Variants in KCNIP4 observed in about 807,000 individuals in gnomAD.
KCNIP4 encodes potassium voltage-gated channel interacting protein 4.
Under a neutral mutation model 34.0 loss-of-function variants are expected in KCNIP4, and 12 were observed. That is an observed-to-expected ratio of 0.35 (90% CI 0.23 to 0.57). KCNIP4 has a LOEUF of 0.57. Ranked by LOEUF, KCNIP4 falls within the 20% of genes least tolerant of loss-of-function variation. KCNIP4 has a pLI of 0.83. For missense variants in KCNIP4, 238 were observed against 311.7 expected (o/e 0.76, Z 1.78); for synonymous variants, 124 against 102.2 (o/e 1.21, Z -1.29).
In KCNIP4 at chr4:20,850,918, C is replaced by T. The variant is rs1720954097; in HGVS notation, c.164-251G>A. On this transcript the variant is annotated intron_variant, in intron 2 of 8. Transcript: ENST00000382152. ...TTACAACCCTAGCATTGTTTTAAGA[C>T]AACAAAAAAGAGCACAGGAATTTAT... is the stretch of plus-strand genomic sequence containing the variant. 14 of 328,046 alleles carry T rather than the reference C, an allele frequency of 4.3e-5. No homozygotes were observed. In the South Asian group the frequency reaches 1.5e-3, roughly 35 times the overall value. The allele number at this position is 328,046 out of a possible 1,614,324, so 20.3% of individuals were successfully genotyped here.
At chr4:20,760,651 A>G (rs1043881565) in intron 3 of KCNIP4, among the ~76,000 whole-genome samples, 1 of 152,162 alleles carries the variant, frequency 6.6e-6, no homozygotes, top group African/African-American at 2.4e-5. Flanking sequence ...AGCTGCATTC[A>G]CAGAGGCAGA....
intron 1 of KCNIP4, among the ~76,000 whole-genome samples, chr4:21,333,873 C>T (rs1715898490): frequency 6.6e-6 from 1 of 152,134 alleles, no homozygotes; most frequent in Non-Finnish European, 1.5e-5. Flanking sequence ...CAATCTTCTG[C>T]TGTTCTTTAA....
intron 1 of KCNIP4, among the ~76,000 whole-genome samples, chr4:21,544,089 G>A (rs1737934988): frequency 6.6e-6 from 1 of 151,992 alleles, no homozygotes; most frequent in African/African-American, 2.4e-5. Context: ...CCATTTCTCT[G>A]GAGTTCATAT....
At chr4:21,912,753 T>C (rs1005445381) in intron 1 of KCNIP4, among the ~76,000 whole-genome samples, 10 of 151,694 alleles carry the variant, frequency 6.6e-5, no homozygotes, top group African/African-American at 2.4e-4. Context: ...CAAAGAGTGG[T>C]GCAAGATGAA....
intron 1 of KCNIP4, among the ~76,000 whole-genome samples, chr4:21,103,322 T>C (rs886234922): frequency 6.8e-6 from 1 of 146,588 alleles, no homozygotes; most frequent in Non-Finnish European, 1.5e-5. Context: ...ATATATAATA[T>C]AAAATATATA....
intron 1 of KCNIP4, among the ~76,000 whole-genome samples, chr4:21,310,633 CT>C (rs147936589): frequency 0.087 from 13,096 of 150,812 alleles, 660 homozygotes; most frequent in African/African-American, 0.13. Flanking sequence ...CTTTCTTCTT[CT>C]TTTTTTTCTT....
At chr4:20,988,775 T>G (rs1736819905) in intron 1 of KCNIP4, among the ~76,000 whole-genome samples, 1 of 152,188 alleles carries the variant, frequency 6.6e-6, no homozygotes, top group South Asian at 2.1e-4. Flanking sequence ...TGAAGGCAAC[T>G]GAAATAGGAG....
At chr4:21,326,547 T>A (rs986000082) in intron 1 of KCNIP4, among the ~76,000 whole-genome samples, 4 of 151,612 alleles carry the variant, frequency 2.6e-5, no homozygotes, top group Non-Finnish European at 5.9e-5. Flanking sequence ...AGACAACAGA[T>A]CATTGGGTCT....
chr4:21,310,112 T>C (rs1184846523), intron 1 of KCNIP4, among the ~76,000 whole-genome samples: 1 of 152,080 alleles, frequency 6.6e-6, no homozygotes, highest in African/African-American at 2.4e-5. Context: ...TCATTGCAAC[T>C]TCCACCGCCT....
intron 1 of KCNIP4, among the ~76,000 whole-genome samples, chr4:21,662,394 A>G (rs1181012219): frequency 6.6e-6 from 1 of 152,254 alleles, no homozygotes; most frequent in Non-Finnish European, 1.5e-5. Context: ...TACATATCAC[A>G]GAATAAAATA....
chr4:21,489,028 T>C (rs555995725), intron 1 of KCNIP4, among the ~76,000 whole-genome samples: 2 of 152,136 alleles, frequency 1.3e-5, no homozygotes, highest in Non-Finnish European at 2.9e-5. Flanking sequence ...AAGAATGTTT[T>C]TTACGATGCA....
intron 1 of KCNIP4, among the ~76,000 whole-genome samples, chr4:20,982,305 C>A (rs550647876): frequency 3.9e-5 from 6 of 152,046 alleles, no homozygotes; most frequent in African/African-American, 1.4e-4. Context: ...TCCAGAGAAC[C>A]AAAACGTGGT....
chr4:21,720,402 C>A (rs1714724226), intron 1 of KCNIP4, among the ~76,000 whole-genome samples: 1 of 152,000 alleles, frequency 6.6e-6, no homozygotes, highest in African/African-American at 2.4e-5. Flanking sequence ...CTAGACTCTG[C>A]CTTCTTGATT....
intron 1 of KCNIP4, among the ~76,000 whole-genome samples, chr4:21,377,008 A>AT (rs58715257): frequency 0.015 from 2,295 of 152,068 alleles, 71 homozygotes; most frequent in African/African-American, 0.051. Flanking sequence ...ATAGGAAGGC[A>AT]TTTTTTTTCC....
chr4:20,871,223 A>G (rs1009639342), intron 2 of KCNIP4, among the ~76,000 whole-genome samples: 1 of 152,102 alleles, frequency 6.6e-6, no homozygotes, highest in Admixed American at 6.6e-5. Flanking sequence ...TCTCTCTCCC[A>G]TGGGCCTGAA....
At chr4:20,849,605 C>T (rs148052964) in intron 3 of KCNIP4, among the ~76,000 whole-genome samples, 41 of 151,568 alleles carry the variant, frequency 2.7e-4, no homozygotes, top group African/African-American at 7.2e-4. Context: ...GACTTCTACA[C>T]GCACTGGAAC....
chr4:21,173,600 A>T (rs995469435), intron 1 of KCNIP4, among the ~76,000 whole-genome samples: 2 of 152,168 alleles, frequency 1.3e-5, no homozygotes, highest in African/African-American at 2.4e-5. Context: ...CACATTCTTC[A>T]TTCCACGGAG....
At chr4:21,201,198 T>C (rs530465562) in intron 1 of KCNIP4, among the ~76,000 whole-genome samples, 23 of 152,352 alleles carry the variant, frequency 1.5e-4, no homozygotes, top group Admixed American at 9.8e-4. Context: ...GCTTTCTGTT[T>C]TAGCAGTATC....
At chr4:21,708,191 A>T (rs1713439454) in intron 1 of KCNIP4, among the ~76,000 whole-genome samples, 1 of 152,134 alleles carries the variant, frequency 6.6e-6, no homozygotes, top group Non-Finnish European at 1.5e-5. Flanking sequence ...GTATTAAAAT[A>T]CTACCCTACA....
Sources: gnomAD v4.1 joint callset for allele counts (sites outside exome capture counted in the v4.1 genomes callset) on GRCh38, gnomAD v4.1.1 for gene constraint, MANE v1.5 for transcripts, NCBI Gene and HGNC (gene_info 2026-07-23, HGNC 2026-07-21) for gene names.